The following OR2L13 variants were observed in gnomAD, a reference collection of about 807,000 sequenced individuals.
The protein encoded by OR2L13 is olfactory receptor family 2 subfamily L member 13.
Under a neutral mutation model 15.3 loss-of-function variants are expected in OR2L13, and 14 were observed. That is an observed-to-expected ratio of 0.91 (90% CI 0.60 to 1.43). OR2L13 has a LOEUF of 1.43. Ranked by LOEUF, OR2L13 falls within the 40% of genes most tolerant of loss-of-function variation. The pLI, the probability that OR2L13 is intolerant of heterozygous loss-of-function variation, is 0.00. For synonymous variants in OR2L13, 152 were observed against 142.9 expected (o/e 1.06, Z -0.45); for missense variants, 367 against 387.9 (o/e 0.95, Z 0.45).
At chr1:248,054,190 C>G in the OR2L13 span, among the ~76,000 whole-genome samples, 2 of 152,288 alleles carry the variant, frequency 1.3e-5, no homozygotes, top group South Asian at 4.1e-4. Context: ...AGCCAGTTCT[C>G]CCAGCACCAT....
At chr1:248,061,671 G>A in the OR2L13 span, 1 of 1,444,800 alleles carries the variant, frequency 6.9e-7, no homozygotes, top group Non-Finnish European at 9.4e-7. Flanking sequence ...CCATCCAGCA[G>A]TGTATAGTAA....
the OR2L13 span, among the ~76,000 whole-genome samples, chr1:248,019,006 A>G: frequency 6.6e-6 from 1 of 152,164 alleles, no homozygotes; most frequent in Non-Finnish European, 1.5e-5. Context: ...ATAATAGTCC[A>G]TGTATGTACT....
At chr1:247,949,832 C>A in the OR2L13 span, 2 of 1,507,368 alleles carry the variant, frequency 1.3e-6, no homozygotes, top group Non-Finnish European at 1.8e-6. Flanking sequence ...GACTCAGATA[C>A]ACATCCATTC....
chr1:248,084,673 T>C, the OR2L13 span: 1 of 1,504,740 alleles, frequency 6.6e-7, no homozygotes, highest in Non-Finnish European at 8.9e-7. Flanking sequence ...ACGAGCTAAC[T>C]TCCCTCTTTT....
the OR2L13 span, among the ~76,000 whole-genome samples, chr1:247,954,359 A>G: frequency 6.6e-6 from 1 of 152,210 alleles, no homozygotes; most frequent in African/African-American, 2.4e-5. Flanking sequence ...AAAGATATAT[A>G]CATGGATTCC....
the OR2L13 span, among the ~76,000 whole-genome samples, chr1:248,081,759 G>C: frequency 6.6e-6 from 1 of 152,214 alleles, no homozygotes; most frequent in Non-Finnish European, 1.5e-5. Context: ...AGGGAGACAA[G>C]TGTTTACTGA....
the OR2L13 span, among the ~76,000 whole-genome samples, chr1:248,070,386 A>C: frequency 1.3e-5 from 2 of 152,160 alleles, no homozygotes; most frequent in East Asian, 3.9e-4. Flanking sequence ...CTGGGTACAT[A>C]ACGAAATGAA....
At chr1:248,076,606 C>T in the OR2L13 span, among the ~76,000 whole-genome samples, 2 of 152,186 alleles carry the variant, frequency 1.3e-5, no homozygotes, top group Non-Finnish European at 2.9e-5. Flanking sequence ...CTCTTTGTAG[C>T]AGTTGTGAAT....
the OR2L13 span, among the ~76,000 whole-genome samples, chr1:248,037,279 G>C: frequency 6.6e-6 from 1 of 152,140 alleles, no homozygotes; most frequent in Non-Finnish European, 1.5e-5. Flanking sequence ...GGAAATATAA[G>C]TTCCTCCAAA....
At chr1:247,991,496 T>C in the OR2L13 span, among the ~76,000 whole-genome samples, 1 of 149,288 alleles carries the variant, frequency 6.7e-6, no homozygotes, top group Non-Finnish European at 1.5e-5. Context: ...AGCAGTCTAC[T>C]TGGCTTTAGA....
chr1:248,035,945 A>T, the OR2L13 span, among the ~76,000 whole-genome samples: 1 of 152,188 alleles, frequency 6.6e-6, no homozygotes, highest in Non-Finnish European at 1.5e-5. Flanking sequence ...ATACATATAT[A>T]CATAGATTTC....
At chr1:248,040,149 A>G in the OR2L13 span, 11 of 152,234 alleles carry the variant, frequency 7.2e-5, no homozygotes, top group Admixed American at 7.2e-4. Context: ...CAATAGGACT[A>G]TTCAGCTTGG....
chr1:247,949,194 C>T, the OR2L13 span: 6 of 1,614,226 alleles, frequency 3.7e-6, 1 homozygote, highest in South Asian at 6.6e-5. Flanking sequence ...AGAAGCACTA[C>T]TTTTGGCATC....
chr1:248,092,298 G>T (rs1173242965), upstream of OR2L13, among the ~76,000 whole-genome samples: 1 of 152,066 alleles, frequency 6.6e-6, no homozygotes, highest in African/African-American at 2.4e-5. Flanking sequence ...CTCTGGCTAA[G>T]ACTTCCTACA....
the OR2L13 span, chr1:247,949,673 T>C: frequency 6.2e-7 from 1 of 1,613,910 alleles, no homozygotes; most frequent in Non-Finnish European, 8.5e-7. Flanking sequence ...AGGACAAGGT[T>C]CTGGCTGTCT....
At chr1:247,961,028 G>C in the OR2L13 span, among the ~76,000 whole-genome samples, 1 of 152,120 alleles carries the variant, frequency 6.6e-6, no homozygotes, top group Non-Finnish European at 1.5e-5. Context: ...CTTCTGCGTC[G>C]CTCACGCTGG....
the OR2L13 span, chr1:247,939,465 A>G: frequency 6.6e-6 from 1 of 152,224 alleles, no homozygotes; most frequent in African/African-American, 2.4e-5. Flanking sequence ...ATGAGACTTA[A>G]ATCATCCACA....
the OR2L13 span, among the ~76,000 whole-genome samples, chr1:248,027,960 GA>G: frequency 6.6e-6 from 1 of 151,624 alleles, no homozygotes. Flanking sequence ...CTAACACAGT[GA>G]AACCCCGTCT....
At chr1:248,004,797 G>A in the OR2L13 span, among the ~76,000 whole-genome samples, 10 of 152,156 alleles carry the variant, frequency 6.6e-5, no homozygotes, top group African/African-American at 2.4e-4. Context: ...TGGGAGTTTA[G>A]TTTCATTTTT....
Sources: gnomAD v4.1 joint callset for allele counts (sites outside exome capture counted in the v4.1 genomes callset) on GRCh38, gnomAD v4.1.1 for gene constraint, MANE v1.5 for transcripts, NCBI Gene and HGNC (gene_info 2026-07-23, HGNC 2026-07-21) for gene names.